Variants in KIF22 observed in about 807,000 individuals in gnomAD.
The protein encoded by KIF22 is kinesin-like protein KIF22.
In KIF22, 62 loss-of-function variants were observed where a neutral mutation model predicts 73.0. The observed-to-expected ratio is 0.85, with a 90% CI of 0.69 to 1.05. The LOEUF is 1.05. Among genes scored for constraint, KIF22 ranks in the 50% least tolerant of loss-of-function variants. The probability of loss-of-function intolerance (pLI) is 0.00; values close to 1 mark genes in which losing one functional copy is unlikely to be tolerated. For missense variants in KIF22, 854 were observed against 870.1 expected, an observed-to-expected ratio of 0.98 and a Z score of 0.23; for synonymous variants, 411 against 340.1, an observed-to-expected ratio of 1.21 and a Z score of -2.29.
rs989200926 is a variant in KIF22, at chr16:29,797,150, G to C, written c.266+62G>C. On this transcript the variant is annotated intron_variant, in intron 2 of 13. Coordinates refer to ENST00000160827, the MANE Select transcript of KIF22 (RefSeq NM_007317.3). This position sits in a 1 kb window ranked among gnomAD's most constrained non-coding sequence, Gnocchi z 4.1. ...ACCTCCCTCTCCTAGGCCTGCCCAC[G>C]TTCCCCTGCCTCCCCAGGATCCTTG... 6 of 1,264,618 alleles carry C rather than the reference G, an allele frequency of 4.7e-6. No individual in the cohort carries two copies. The highest frequency in any genetic ancestry group is 1.4e-5 in the South Asian group (1 of 69,106). 78.3% of individuals were successfully genotyped at this position (1,264,618 alleles called of 1,614,324 possible).
At chr16:29,795,540 A>G (rs575633730) in intron 1 of KIF22, among the ~76,000 whole-genome samples, 1 of 152,298 alleles carries the variant, frequency 6.6e-6, no homozygotes, top group Non-Finnish European at 1.5e-5. Context: ...CAGTTGGTAC[A>G]TAATAAGGAA....
chr16:29,803,577 G>A lies in KIF22; in HGVS notation c.1578G>A (p.Leu526=), dbSNP rs1436620116. The change falls in exon 10 of 14, where the codon CTG becomes CTA. Residue 526 remains leucine (L), a synonymous_variant. Coordinates refer to ENST00000160827, the MANE Select transcript of KIF22 (RefSeq NM_007317.3). The part of the protein sequence containing the change: ...SHRTVTGAKP[L]KKAVVMPLQL... ...GCACAGTCACAGGGGCAAAGCCCCTGAAAAAGGCTGTGGTGATGCCCCTAC... is the reference window on the plus strand; with the variant it reads ...GCACAGTCACAGGGGCAAAGCCCCTAAAAAAGGCTGTGGTGATGCCCCTAC... The A allele has an allele frequency of 6.2e-7, 1 of 1,612,466 alleles. No homozygotes were observed.
Position 29,796,775 on chromosome 16 carries a change from A to T in KIF22, c.71-118A>T, listed in dbSNP as rs191520727. On this transcript the variant is annotated intron_variant, in intron 1 of 13. Transcript: ENST00000160827. ...GCTTAGGGGTGTCCACAACATGACC[A>T]GGGCAGAATGAGCTTCTCCAACATG... 1.4e-3 allele frequency: 1,246 copies of T among 905,350 alleles called. 4 individuals are homozygous for T. The highest frequency in any genetic ancestry group is 1.6e-3 in the Non-Finnish European group (925 of 575,100). 56.1% of individuals were successfully genotyped at this position (905,350 alleles called of 1,614,324 possible).
chr16:29,791,159 T>C, intron 1 of KIF22: 3 of 1,230,114 alleles, frequency 2.4e-6, no homozygotes, highest in Non-Finnish European at 3.1e-6. Flanking sequence ...GGAGATCACC[T>C]GAATAAGCAA....
chr16:29,800,097 C>T (rs750756333), intron 8 of KIF22, 49 bp downstream of exon 8: 2 of 1,562,114 alleles, frequency 1.3e-6, no homozygotes, highest in East Asian at 2.2e-5. Context: ...TATGGCTTAG[C>T]AGCAGAGCTG....
chr16:29,802,505 C>T (rs1253963787), intron 8 of KIF22, among the ~76,000 whole-genome samples: 1 of 152,098 alleles, frequency 6.6e-6, no homozygotes, highest in African/African-American at 2.4e-5. Flanking sequence ...TTGATTTCCT[C>T]AGTAGACAGT....
chr16:29,803,933 A>C (rs369261316), intron 10 of KIF22, 65 bp from the exon 11 acceptor site: 2 of 1,228,540 alleles, frequency 1.6e-6, no homozygotes. Flanking sequence ...GAAGAATCGA[A>C]GGGCTACCAG....
chr16:29,798,420 G>A lies in KIF22; in HGVS notation c.313G>A (p.Ala105Thr), dbSNP rs200000231. 4.0e-5 allele frequency: 65 copies of A among 1,613,500 alleles called. No individual in the cohort carries two copies. The Middle Eastern group carries it at 6.7e-4, about 17-fold the overall frequency. The change falls in exon 3 of 14, where the codon GCA becomes ACA. Residue 105 changes from alanine to threonine, a missense_variant. Transcript: ENST00000160827. This position sits in a 1 kb window ranked among gnomAD's most constrained non-coding sequence, Gnocchi z 4.1. ...GAGGAGTACTCAGCAGGACATCTAT[G>A]CAGGTTCAGTGCAGCCCATCCTAAG... The part of the protein sequence containing the change: ...GERSTQQDIY[A>T]GSVQPILRHL...
In KIF22 at chr16:29,802,903, T is replaced by C. The variant is rs747735559; in HGVS notation, c.1415T>C (p.Met472Thr). The C allele has an allele frequency of 4.3e-6, 7 of 1,612,444 alleles. No individual in the cohort carries two copies. The Admixed American group carries it at 1.0e-4, about 23-fold the overall frequency. ...CCAAAGCGAGAGCGGATGGTGCTAA[T>C]GAAGACAGTGGAAGAGAAGGACCTA... is the stretch of plus-strand genomic sequence containing the variant. The part of the protein sequence containing the change: ...STPKRERMVL[M>T]KTVEEKDLEI... Residue 472 changes from methionine (M) to threonine (T), a missense_variant, in exon 9 of 14, where the codon ATG becomes ACG. Met to Thr is a moderately conservative substitution (Grantham distance 81). Coordinates refer to ENST00000160827, the MANE Select transcript of KIF22 (RefSeq NM_007317.3).
At position 29,804,083 on chromosome 16, in the gene KIF22, C is replaced by T. The variant is rs1484717757; in HGVS notation, c.1677+18C>T. The T allele has an allele frequency of 6.2e-7, 1 of 1,605,108 alleles. No individual in the cohort carries two copies. The highest frequency in any genetic ancestry group is 1.1e-5 in the South Asian group (1 of 90,910). ...AGAGAAAGGTGAAAGTAGCTGGGGG[C>T]TTAGGCTACACCTGGAGCCCAGAAG... On this transcript the variant is annotated intron_variant, in intron 11 of 13. Transcript: ENST00000160827.
intron 1 of KIF22, chr16:29,791,146 C>A (rs1596839662): frequency 7.8e-7 from 1 of 1,278,074 alleles, no homozygotes; most frequent in East Asian, 3.5e-5. Flanking sequence ...TGGCCTCATC[C>A]CTGGAGATCA....
In KIF22 at chr16:29,799,271, A is replaced by G. The variant is rs1401595809; in HGVS notation, c.767A>G (p.Gln256Arg). 6.8e-6 allele frequency: 11 copies of G among 1,613,564 alleles called. No individual in the cohort carries two copies. In the East Asian group the frequency reaches 2.5e-4, roughly 36 times the overall value. The change falls in exon 6 of 14, where the codon CAG becomes CGG. Residue 256 changes from glutamine to arginine, a missense_variant. Physicochemically the swap from Gln to Arg is conservative, Grantham distance 43 (BLOSUM62 1). This residue lies in a region of KIF22 where 245 missense variants were observed against 351.8 expected (regional missense o/e 0.70). Coordinates refer to ENST00000160827, the MANE Select transcript of KIF22 (RefSeq NM_007317.3). ...SHAVLLVKVD[Q>R]RERLAPFRQR... Reference sequence around the variant, plus strand: ...CTTTGTTCTTACCCCCAGGTGGACCAGCGGGAACGTTTGGCCCCATTTCGC... The same window carrying G: ...CTTTGTTCTTACCCCCAGGTGGACCGGCGGGAACGTTTGGCCCCATTTCGC...
intron 8 of KIF22, 101 bp from the exon 9 acceptor site, chr16:29,802,668 C>A: frequency 8.8e-7 from 1 of 1,134,324 alleles, no homozygotes; most frequent in Non-Finnish European, 1.2e-6. Flanking sequence ...GGTTCTGGAG[C>A]TACAGGATAT....
At chr16:29,802,551 A>AC (rs1899178379) in intron 8 of KIF22, among the ~76,000 whole-genome samples, 1 of 152,056 alleles carries the variant, frequency 6.6e-6, no homozygotes, top group South Asian at 2.1e-4. Context: ...GGTCTCTCAT[A>AC]CCTGGCACTC....
rs759081938 is a variant in KIF22 at position 29,800,003 on chromosome 16, G to T, written c.1235G>T (p.Ser412Ile). 1.9e-6 allele frequency: 3 copies of T among 1,613,792 alleles called. No homozygotes were observed. Among genetic ancestry groups the T allele is most frequent in the Non-Finnish European group, 8.5e-7 (1 of 1,180,020 alleles). ...ARGPEEEEIG[S>I]PEPMAAPASA... is the part of the protein sequence containing the mutation. Reference sequence around the variant, plus strand: ...GGCCCTGAGGAAGAGGAGATCGGGAGCCCTGAGCCCATGGCAGCTCCAGCC... The same window carrying T: ...GGCCCTGAGGAAGAGGAGATCGGGATCCCTGAGCCCATGGCAGCTCCAGCC... Residue 412 changes from serine (S) to isoleucine (I), a missense_variant, in exon 8 of 14, where the codon AGC becomes ATC. Around this residue, in one of 3 missense-constraint regions of KIF22, gnomAD observed 423 missense variants for 365.4 expected, o/e 1.16. Transcript: ENST00000160827.
chr16:29,799,234 T>G (rs762743747), intron 5 of KIF22, 30 bp from the exon 6 acceptor site: 2 of 1,611,354 alleles, frequency 1.2e-6, no homozygotes, highest in African/African-American at 2.7e-5. Context: ...GAGCCTGAGC[T>G]AAGCACGAGA....
At chr16:29,795,197 C>T (rs1417638036) in intron 1 of KIF22, among the ~76,000 whole-genome samples, 1 of 152,204 alleles carries the variant, frequency 6.6e-6, no homozygotes, top group Non-Finnish European at 1.5e-5. Context: ...AGGTTTTTAC[C>T]TGCTTGCTCC....
In KIF22 at chr16:29,802,937, G is replaced by T; in HGVS notation, c.1449G>T (p.Glu483Asp). Residue 483 changes from glutamate (E) to aspartate (D), a missense_variant and splice_region_variant, in exon 9 of 14, where the codon GAG becomes GAT. Physicochemically the swap from Glu to Asp is conservative, Grantham distance 45 (BLOSUM62 2). Transcript: ENST00000160827. ...TGGAAGAGAAGGACCTAGAGATTGA[G>T]GTACGTGTTTTAGGGATGTGGGAGC... Reference protein sequence around the residue: ...KTVEEKDLEIERLKTKQKELE... With the variant: ...KTVEEKDLEIDRLKTKQKELE... 2.5e-6 allele frequency: 4 copies of T among 1,611,448 alleles called. No homozygotes were observed. Among genetic ancestry groups the T allele is most frequent in the Non-Finnish European group, 3.4e-6 (4 of 1,179,058 alleles).
At chr16:29,804,647 T>G in intron 11 of KIF22, 167 bp from the exon 12 acceptor site, 1 of 704,420 alleles carries the variant, frequency 1.4e-6, no homozygotes, top group Non-Finnish European at 2.6e-6. Flanking sequence ...AGTTGCATAA[T>G]AAGAATTAAC....
Sources: allele counts gnomAD v4.1 joint callset (sites outside exome capture counted in the v4.1 genomes callset), GRCh38; gene constraint gnomAD v4.1.1; regional missense constraint gnomAD v4.1.1; non-coding constraint Gnocchi (gnomAD v3.1); transcripts MANE v1.5; gene names NCBI Gene and HGNC (gene_info 2026-07-23, HGNC 2026-07-21).